The following TTLL5 variants were observed in gnomAD, a reference collection of about 807,000 sequenced individuals.
TTLL5 encodes tubulin polyglutamylase TTLL5.
In TTLL5, 132 loss-of-function variants were observed where a neutral mutation model predicts 168.4. That is an observed-to-expected ratio of 0.78 (90% CI 0.68 to 0.91). TTLL5 has a LOEUF of 0.91. Ranked by LOEUF, TTLL5 falls within the 40% of genes least tolerant of loss-of-function variation. TTLL5 has a pLI of 0.00. For synonymous variants in TTLL5, 546 were observed against 558.6 expected (o/e 0.98, Z 0.32); for missense variants, 1,545 against 1,581.5 (o/e 0.98, Z 0.39).
At chr14:75,673,449 A>G (rs1883897156) in intron 3 of TTLL5, among the ~76,000 whole-genome samples, 2 of 152,216 alleles carry the variant, frequency 1.3e-5, no homozygotes, top group Non-Finnish European at 2.9e-5. Flanking sequence ...TATGGTGGAA[A>G]GAGTGTACAC....
chr14:75,757,253 C>T (rs1488987817), intron 18 of TTLL5, among the ~76,000 whole-genome samples: 1 of 152,192 alleles, frequency 6.6e-6, no homozygotes, highest in Admixed American at 6.5e-5. Flanking sequence ...GCTAGGATTA[C>T]AGCTGTGAGC....
intron 6 of TTLL5, among the ~76,000 whole-genome samples, chr14:75,694,223 C>A (rs1483632394): frequency 6.6e-6 from 1 of 152,186 alleles, no homozygotes; most frequent in African/African-American, 2.4e-5. Context: ...GAGAACAATC[C>A]TTGTTCTGAA....
At chr14:75,721,671 G>A (rs1224373181) in intron 12 of TTLL5, among the ~76,000 whole-genome samples, 1 of 152,118 alleles carries the variant, frequency 6.6e-6, no homozygotes, top group Non-Finnish European at 1.5e-5. Flanking sequence ...CAGTAATGGT[G>A]GTGTCTACCT....
intron 7 of TTLL5, among the ~76,000 whole-genome samples, chr14:75,700,356 G>A (rs1433241490): frequency 1.3e-5 from 2 of 152,186 alleles, no homozygotes. Flanking sequence ...CTCAGGAGTT[G>A]GGCGAGTAGG....
chr14:75,728,296 C>T (rs556121488), intron 12 of TTLL5, among the ~76,000 whole-genome samples: 4 of 148,234 alleles, frequency 2.7e-5, no homozygotes, highest in African/African-American at 1.0e-4. Flanking sequence ...GTGGAGATTG[C>T]AGCGAGCCGA....
At chr14:75,717,783 A>G in intron 9 of TTLL5, 78 bp from the exon 10 acceptor site, 1 of 1,341,874 alleles carries the variant, frequency 7.5e-7, no homozygotes, top group Non-Finnish European at 1.1e-6. Context: ...CTTTATTATT[A>G]TCTCATTGAT....
At chr14:75,731,471 A>C (rs1238167129) in intron 12 of TTLL5, among the ~76,000 whole-genome samples, 2 of 151,574 alleles carry the variant, frequency 1.3e-5, no homozygotes, top group Non-Finnish European at 2.9e-5. Flanking sequence ...CAGTAATAAT[A>C]AGAAGGGTTT....
rs568586234 is a variant in TTLL5 at position 75,804,086 on chromosome 14, G to A, written c.3171+10986G>A. On this transcript the variant is annotated intron_variant, in intron 27 of 31. Coordinates refer to ENST00000298832, the MANE Select transcript of TTLL5 (RefSeq NM_015072.5). Reference sequence around the variant, plus strand: ...TCTGCTCCCCAACCAGCCAGTGCCCGGGATGTGGCCAGGCCTCCTGGAAAT... The same window carrying A: ...TCTGCTCCCCAACCAGCCAGTGCCCAGGATGTGGCCAGGCCTCCTGGAAAT... 7.9e-5 allele frequency among the ~76,000 whole-genome samples: 12 copies of A among 152,302 alleles called. No individual in the cohort carries two copies. In the East Asian group the frequency reaches 1.5e-3, roughly 20 times the overall value.
chr14:75,869,511 G>T (rs745931576), intron 29 of TTLL5, among the ~76,000 whole-genome samples: 3 of 152,002 alleles, frequency 2.0e-5, no homozygotes, highest in Non-Finnish European at 4.4e-5. Flanking sequence ...ATGTGATATT[G>T]ATATTACCAT....
chr14:75,718,426 G>A (rs765665311), intron 10 of TTLL5, among the ~76,000 whole-genome samples: 9 of 152,130 alleles, frequency 5.9e-5, no homozygotes, highest in Non-Finnish European at 1.2e-4. Context: ...CCATGTATTC[G>A]TAGGTGGAAA....
chr14:75,681,430 C>A, intron 3 of TTLL5, 115 bp from the exon 4 acceptor site: 1 of 775,244 alleles, frequency 1.3e-6, no homozygotes, highest in Non-Finnish European at 2.1e-6. Context: ...TATTTATAAT[C>A]ATTTTAATGG....
In TTLL5 at chr14:75,707,027, A is replaced by T. The variant is rs760333318; in HGVS notation, c.595A>T (p.Ile199Phe). The change falls in exon 8 of 32, where the codon ATC (isoleucine) becomes TTC (phenylalanine). Residue 199 changes from isoleucine (I) to phenylalanine (F), a missense_variant. Transcript: ENST00000298832. ...TCTCTTTACTCAATAGCCAAACCAGATCTCCCTGGAAGAGAACATTTTGGT... is the reference window on the plus strand; with the variant it reads ...TCTCTTTACTCAATAGCCAAACCAGTTCTCCCTGGAAGAGAACATTTTGGT... ...GVYLINNPNQ[I>F]SLEENILVSR... The T allele has an allele frequency of 4.3e-6, 7 of 1,610,232 alleles. No homozygotes were observed. The highest frequency in any genetic ancestry group is 5.9e-6 in the Non-Finnish European group (7 of 1,177,576).
chr14:75,779,782 G>A, intron 24 of TTLL5, 80 bp downstream of exon 24: 4 of 1,448,692 alleles, frequency 2.8e-6, no homozygotes, highest in East Asian at 2.4e-5. Context: ...GAGGAATAAT[G>A]TGTTGGCTAA....
chr14:75,911,294 A>G (rs2140111956), intron 31 of TTLL5, among the ~76,000 whole-genome samples: 1 of 152,238 alleles, frequency 6.6e-6, no homozygotes, highest in South Asian at 2.1e-4. Flanking sequence ...TGGCCTCCCA[A>G]AGTGCTAGGA....
intron 31 of TTLL5, among the ~76,000 whole-genome samples, chr14:75,932,723 T>C (rs1169127899): frequency 6.6e-6 from 1 of 152,190 alleles, no homozygotes; most frequent in East Asian, 1.9e-4. Context: ...GTTTTGTCAC[T>C]GTGAAATGGA....
chr14:75,710,326 G>T (rs1886977358), intron 9 of TTLL5: 1 of 151,412 alleles, frequency 6.6e-6, no homozygotes, highest in Non-Finnish European at 1.5e-5. Flanking sequence ...TTGGCTACTG[G>T]TTGTGTGTTG....
intron 26 of TTLL5, among the ~76,000 whole-genome samples, chr14:75,783,845 A>G (rs1019090794): frequency 1.3e-5 from 2 of 152,202 alleles, no homozygotes; most frequent in South Asian, 2.1e-4. Context: ...AGTGTGCTAT[A>G]TGCATTCTCT....
intron 29 of TTLL5, among the ~76,000 whole-genome samples, chr14:75,872,622 A>G (rs989064301): frequency 3.9e-5 from 6 of 152,154 alleles, no homozygotes; most frequent in Non-Finnish European, 7.3e-5. Context: ...TAAAAGGTCA[A>G]TAAAAGGCCG....
intron 27 of TTLL5, chr14:75,818,621 G>A: frequency 4.9e-6 from 1 of 204,450 alleles, no homozygotes; most frequent in South Asian, 6.2e-5. Context: ...CTGAGTAGCT[G>A]GGACTACAGG....
Sources: allele counts gnomAD v4.1 joint callset (sites outside exome capture counted in the v4.1 genomes callset), GRCh38; gene constraint gnomAD v4.1.1; transcripts MANE v1.5; gene names NCBI Gene and HGNC (gene_info 2026-07-23, HGNC 2026-07-21).